Variants in SEMA5B observed in about 807,000 individuals in gnomAD.
The protein encoded by SEMA5B is semaphorin 5B.
A neutral mutation model predicts 135.0 loss-of-function variants in SEMA5B; 66 were observed. That is an observed-to-expected ratio of 0.49 (90% CI 0.40 to 0.60). The LOEUF (loss-of-function observed/expected upper bound fraction) is 0.60. Among genes scored for constraint, SEMA5B ranks in the 20% least tolerant of loss-of-function variants. The probability of loss-of-function intolerance (pLI) is 0.00; values close to 1 mark genes in which losing one functional copy is unlikely to be tolerated. For synonymous variants in SEMA5B, 690 were observed against 639.5 expected (o/e 1.08, Z -1.19); for missense variants, 1,501 against 1,566.3 (o/e 0.96, Z 0.70).
At chr3:122,931,512 G>A (rs539696446) in intron 5 of SEMA5B, among the ~76,000 whole-genome samples, 11 of 151,962 alleles carry the variant, frequency 7.2e-5, no homozygotes, top group African/African-American at 1.7e-4. Context: ...AAATTTTAAC[G>A]TATACATATT....
intron 1 of SEMA5B, among the ~76,000 whole-genome samples, chr3:123,017,180 G>A (rs986295864): frequency 2.0e-5 from 3 of 151,948 alleles, no homozygotes; most frequent in African/African-American, 7.3e-5. Flanking sequence ...GAGCCCCCGC[G>A]CCTGGCCCAG....
chr3:122,970,901 T>C (rs1941083812), intron 1 of SEMA5B, among the ~76,000 whole-genome samples: 1 of 152,116 alleles, frequency 6.6e-6, no homozygotes, highest in Non-Finnish European at 1.5e-5. Context: ...TTTCTGGGGG[T>C]TGAGCAGAAT....
chr3:122,949,263 C>T (rs1939941118), intron 2 of SEMA5B, among the ~76,000 whole-genome samples: 1 of 152,152 alleles, frequency 6.6e-6, no homozygotes, highest in East Asian at 1.9e-4. Context: ...ACCTGCACTT[C>T]CCCCTCCTCT....
chr3:122,919,677 A>C lies in SEMA5B; in HGVS notation c.1688+2238T>G, dbSNP rs114039651. ...GTTTGCTCCCAGACTCCTGGGGTAC[A>C]CAGCTTGGTGACTGTGTGTACTTAA... On this transcript the variant is annotated intron_variant, in intron 12 of 22. Transcript: ENST00000357599. Among the ~76,000 whole-genome samples the C allele has an allele frequency of 6.6e-3, 1,008 of 152,320 alleles. 12 individuals are homozygous for C. Among genetic ancestry groups the C allele is most frequent in the African/African-American group, 0.023 (960 of 41,570 alleles).
At chr3:122,989,397 G>A (rs1270889281) in intron 1 of SEMA5B, among the ~76,000 whole-genome samples, 128 of 152,224 alleles carry the variant, frequency 8.4e-4, no homozygotes, top group Non-Finnish European at 1.3e-4. Context: ...TGCAGAGGCA[G>A]TGTCCTGGCT....
chr3:122,943,342 G>A (rs1157311280), intron 4 of SEMA5B, 94 bp downstream of exon 4: 19 of 826,690 alleles, frequency 2.3e-5, no homozygotes, highest in East Asian at 5.4e-5. Context: ...CCCAGCACGC[G>A]GGGCTGCCCA....
intron 1 of SEMA5B, among the ~76,000 whole-genome samples, chr3:122,966,863 CTATTATTAT>C (rs755147289): frequency 4.1e-4 from 32 of 77,762 alleles, no homozygotes; most frequent in African/African-American, 6.5e-4. Context: ...CGGCCTATTA[CTATTATTAT>C]TATTATTATT....
intron 1 of SEMA5B, among the ~76,000 whole-genome samples, chr3:123,010,943 GT>G (rs1942426765): frequency 6.6e-6 from 1 of 151,972 alleles, no homozygotes; most frequent in South Asian, 2.1e-4. Context: ...GGCTGAACAT[GT>G]GGGCTGACAG....
intron 10 of SEMA5B, 117 bp from the exon 11 acceptor site, chr3:122,922,564 A>AC: frequency 1.1e-6 from 1 of 892,340 alleles, no homozygotes; most frequent in Non-Finnish European, 1.7e-6. Context: ...ATTCTCCAGC[A>AC]CCCCCCACCC....
At chr3:122,998,422 T>C (rs1333494459) in intron 1 of SEMA5B, among the ~76,000 whole-genome samples, 1 of 152,214 alleles carries the variant, frequency 6.6e-6, no homozygotes, top group African/African-American at 2.4e-5. Context: ...GCTCTGAGCC[T>C]CCACTTCTCA....
chr3:122,984,889 A>T (rs1180739259), intron 1 of SEMA5B, among the ~76,000 whole-genome samples: 1 of 152,198 alleles, frequency 6.6e-6, no homozygotes, highest in Non-Finnish European at 1.5e-5. Context: ...CACAGGGGAA[A>T]AAAATAATTT....
intron 1 of SEMA5B, among the ~76,000 whole-genome samples, chr3:122,994,051 G>A (rs114262673): frequency 0.044 from 6,734 of 151,862 alleles, 176 homozygotes; most frequent in Middle Eastern, 0.078. Flanking sequence ...GGCTTCCTGC[G>A]GGTCCTGGGC....
intron 1 of SEMA5B, among the ~76,000 whole-genome samples, chr3:122,973,851 T>C (rs925182408): frequency 1.3e-5 from 2 of 152,196 alleles, no homozygotes; most frequent in African/African-American, 4.8e-5. Context: ...GAGAAATTCC[T>C]TAAACCCTTT....
intron 1 of SEMA5B, among the ~76,000 whole-genome samples, chr3:122,972,726 C>G (rs964493410): frequency 1.7e-4 from 26 of 152,186 alleles, no homozygotes; most frequent in Admixed American, 1.3e-4. Context: ...AAATCCCCTT[C>G]ATGTGGATGG....
rs755539253 is a variant in SEMA5B at position 122,922,358 on chromosome 3, G to A, written c.1362C>T (p.Ala454=). The change falls in exon 11 of 23, where the codon GCC becomes GCT. Residue 454 remains alanine (A), a synonymous_variant. Transcript: ENST00000357599. ...DAQRLFLMSE[A]VQPVTPEPCV... is the part of the protein sequence containing the mutation. ...AGGGCTCGGGTGTCACCGGCTGCAC[G>A]GCCTCGCTCATCAGGAAGAGGCGCT... The A allele has an allele frequency of 6.2e-6, 10 of 1,613,190 alleles. No individual in the cohort carries two copies. The East Asian group carries it at 1.3e-4, about 22-fold the overall frequency.
Position 122,973,022 on chromosome 3 carries a change from C to T in SEMA5B, c.-38-11721G>A, listed in dbSNP as rs141480580. 2.2e-3 allele frequency among the ~76,000 whole-genome samples: 339 copies of T among 152,328 alleles called. 1 individual carries two copies. The highest frequency in any genetic ancestry group is 7.6e-3 in the African/African-American group (314 of 41,570). On this transcript the variant is annotated intron_variant, in intron 1 of 22. Transcript: ENST00000357599. ...CCTGGAAACTGTGGGAGAACCCCTACAGATTAATGACAGGTCATTCAGAGT... is the reference window on the plus strand; with the variant it reads ...CCTGGAAACTGTGGGAGAACCCCTATAGATTAATGACAGGTCATTCAGAGT...
At chr3:122,910,596 T>G (rs1047559181) in intron 22 of SEMA5B, among the ~76,000 whole-genome samples, 1 of 151,430 alleles carries the variant, frequency 6.6e-6, no homozygotes. Context: ...GATCACGAGG[T>G]CAGGAGATCG....
At chr3:122,976,658 A>G (rs1941330052) in intron 1 of SEMA5B, among the ~76,000 whole-genome samples, 1 of 152,186 alleles carries the variant, frequency 6.6e-6, no homozygotes, top group Non-Finnish European at 1.5e-5. Flanking sequence ...TTTATCACAC[A>G]TCTATCTACC....
chr3:122,956,106 T>C (rs1000362215), intron 2 of SEMA5B, among the ~76,000 whole-genome samples: 22 of 152,246 alleles, frequency 1.4e-4, no homozygotes, highest in African/African-American at 5.1e-4. Flanking sequence ...CTGCTTGGCA[T>C]TGGAGCTGGG....
Sources: allele counts gnomAD v4.1 joint callset (sites outside exome capture counted in the v4.1 genomes callset), GRCh38; gene constraint gnomAD v4.1.1; transcripts MANE v1.5; gene names NCBI Gene and HGNC (gene_info 2026-07-23, HGNC 2026-07-21).